The following FRMD6 variants were observed in gnomAD, a reference collection of about 807,000 sequenced individuals.
FRMD6 encodes the protein FERM domain-containing protein 6.
Under a neutral mutation model 73.2 loss-of-function variants are expected in FRMD6, and 37 were observed. The observed-to-expected ratio is 0.51, with a 90% CI of 0.39 to 0.66. FRMD6 has a LOEUF of 0.66. Among genes scored for constraint, FRMD6 ranks in the 30% least tolerant of loss-of-function variants. FRMD6 has a pLI of 0.00. For missense variants in FRMD6, 714 were observed against 780.5 expected (o/e 0.91, Z 1.02); for synonymous variants, 273 against 282.2 (o/e 0.97, Z 0.33).
At chr14:51,511,582 G>T (rs1175777923) in intron 1 of FRMD6, among the ~76,000 whole-genome samples, 1 of 152,258 alleles carries the variant, frequency 6.6e-6, no homozygotes, top group East Asian at 1.9e-4. Flanking sequence ...GAAACAAAAA[G>T]AAGTTAGGTA....
intron 1 of FRMD6, among the ~76,000 whole-genome samples, chr14:51,688,439 T>C (rs545873961): frequency 8.7e-4 from 133 of 152,328 alleles, no homozygotes; most frequent in Non-Finnish European, 1.5e-3. Context: ...ATGTGCCAAG[T>C]ATCTAAGAAT....
intron 2 of FRMD6, among the ~76,000 whole-genome samples, chr14:51,581,098 CAG>C (rs1485153949): frequency 6.6e-6 from 1 of 152,208 alleles, no homozygotes; most frequent in African/African-American, 2.4e-5. Flanking sequence ...AATGTGGCCC[CAG>C]AGTCTTTCTG....
chr14:51,459,315 C>T, the FRMD6 span, among the ~76,000 whole-genome samples: 5 of 152,146 alleles, frequency 3.3e-5, no homozygotes, highest in Non-Finnish European at 7.4e-5. Flanking sequence ...TTCACATGGG[C>T]CTGGATTCTT....
At chr14:51,702,752 T>G (rs1896402086) in intron 5 of FRMD6, among the ~76,000 whole-genome samples, 164 bp downstream of exon 5, 1 of 152,038 alleles carries the variant, frequency 6.6e-6, no homozygotes, top group East Asian at 1.9e-4. Flanking sequence ...CGCTGGTATA[T>G]CCTCAGTCCC....
chr14:51,468,218 T>G, the FRMD6 span, among the ~76,000 whole-genome samples: 1 of 149,598 alleles, frequency 6.7e-6, no homozygotes, highest in South Asian at 2.1e-4. Flanking sequence ...GCAGGGAGGT[T>G]GCAGTGAGCG....
In FRMD6 at chr14:51,596,789, G is replaced by A. The variant is rs566229262; in HGVS notation, c.-147+26379G>A. ...CATGGGCCCAGAAAGAGCAATGATA[G>A]TGTAGAGACTCAAGAGAAAAGCTGT... On this transcript the variant is annotated intron_variant, in intron 2 of 14. Transcript: ENST00000356218. Among the ~76,000 whole-genome samples, 8 of 152,296 alleles carry A rather than the reference G, an allele frequency of 5.3e-5. No individual in the cohort carries two copies. In the East Asian group the frequency reaches 1.5e-3, roughly 29 times the overall value.
At chr14:51,686,573 T>C (rs1895164506) in intron 1 of FRMD6, among the ~76,000 whole-genome samples, 1 of 152,082 alleles carries the variant, frequency 6.6e-6, no homozygotes, top group South Asian at 2.1e-4. Context: ...TATTAATAAA[T>C]AAAGAGGCTG....
intron 1 of FRMD6, among the ~76,000 whole-genome samples, chr14:51,655,212 T>A (rs1180397736): frequency 6.6e-6 from 1 of 152,220 alleles, no homozygotes; most frequent in Non-Finnish European, 1.5e-5. Context: ...AAAGTCAGTA[T>A]GTTTTTAAAC....
At chr14:51,694,978 A>G (rs11157840) in intron 2 of FRMD6, among the ~76,000 whole-genome samples, 41,507 of 148,944 alleles carry the variant, frequency 0.28, 6,426 homozygotes, top group Non-Finnish European at 0.34. Context: ...AAAGAGCTTT[A>G]CCAGTAGGCT....
intron 2 of FRMD6, among the ~76,000 whole-genome samples, chr14:51,588,256 C>A (rs1889169880): frequency 6.6e-6 from 1 of 151,546 alleles, no homozygotes; most frequent in African/African-American, 2.4e-5. Context: ...TTCTGTTAAT[C>A]TTTGTTTTTT....
chr14:51,646,945 G>C (rs990673656), upstream of FRMD6, among the ~76,000 whole-genome samples: 1 of 151,870 alleles, frequency 6.6e-6, no homozygotes, highest in East Asian at 1.9e-4. Context: ...CAAGAGCAAG[G>C]GGCAGGGTCT....
At chr14:51,536,516 C>T (rs1432458062) in intron 1 of FRMD6, among the ~76,000 whole-genome samples, 2 of 152,088 alleles carry the variant, frequency 1.3e-5, no homozygotes, top group Admixed American at 1.3e-4. Context: ...CTCCTGGGTT[C>T]AAGCGATTCT....
At chr14:51,452,496 A>G in the FRMD6 span, among the ~76,000 whole-genome samples, 1 of 152,190 alleles carries the variant, frequency 6.6e-6, no homozygotes, top group African/African-American at 2.4e-5. Context: ...TTTGATTTGG[A>G]GCATATTGAC....
At chr14:51,563,928 C>T (rs1048656693) in intron 1 of FRMD6, among the ~76,000 whole-genome samples, 3 of 152,148 alleles carry the variant, frequency 2.0e-5, no homozygotes, top group African/African-American at 7.2e-5. Flanking sequence ...ACTTTGCGAT[C>T]GCAAGTCATA....
intron 2 of FRMD6, among the ~76,000 whole-genome samples, chr14:51,594,442 C>A (rs1309280500): frequency 6.6e-6 from 1 of 152,172 alleles, no homozygotes; most frequent in Non-Finnish European, 1.5e-5. Context: ...GATACTCCTG[C>A]CTCAGCCTCC....
At chr14:51,446,967 A>G in the FRMD6 span, among the ~76,000 whole-genome samples, 1 of 152,190 alleles carries the variant, frequency 6.6e-6, no homozygotes, top group Non-Finnish European at 1.5e-5. Flanking sequence ...CTTTGGTCAC[A>G]GATGTTGTAC....
intron 2 of FRMD6, among the ~76,000 whole-genome samples, chr14:51,618,543 G>A (rs1030184093): frequency 1.3e-5 from 2 of 152,216 alleles, no homozygotes; most frequent in Non-Finnish European, 2.9e-5. Flanking sequence ...GAAGCCTGGA[G>A]TAAATGGAGT....
chr14:51,477,962 TCCTGCCCTCAGGTGATCCA>T, the FRMD6 span, among the ~76,000 whole-genome samples: 1 of 152,184 alleles, frequency 6.6e-6, no homozygotes, highest in Non-Finnish European at 1.5e-5. Flanking sequence ...GGTCTCCAAC[TCCTGCCCTCAGGTGATCCA>T]CCTGCCTCAG....
the FRMD6 span, among the ~76,000 whole-genome samples, chr14:51,479,236 C>T: frequency 6.6e-6 from 1 of 152,208 alleles, no homozygotes; most frequent in African/African-American, 2.4e-5. Flanking sequence ...CCAAACCATT[C>T]ATCATTGTGC....
Sources: allele counts gnomAD v4.1 joint callset (sites outside exome capture counted in the v4.1 genomes callset), GRCh38; gene constraint gnomAD v4.1.1; transcripts MANE v1.5; gene names NCBI Gene and HGNC (gene_info 2026-07-23, HGNC 2026-07-21).